Variants in TTLL11 observed in about 807,000 individuals in gnomAD.
TTLL11 encodes the protein tubulin polyglutamylase TTLL11.
A neutral mutation model predicts 51.7 loss-of-function variants in TTLL11; 42 were observed. The observed-to-expected ratio is 0.81, with a 90% CI of 0.64 to 1.05. The LOEUF is 1.05. Ranked by LOEUF, TTLL11 falls within the 50% of genes least tolerant of loss-of-function variation. TTLL11 has a pLI of 0.00. For missense variants in TTLL11, 799 were observed against 940.4 expected, an observed-to-expected ratio of 0.85 and a Z score of 1.97; for synonymous variants, 381 against 383.5, an observed-to-expected ratio of 0.99 and a Z score of 0.08.
At chr9:122,052,324 GA>G (rs1362367507) in intron 1 of TTLL11, among the ~76,000 whole-genome samples, 1 of 152,212 alleles carries the variant, frequency 6.6e-6, no homozygotes, top group East Asian at 1.9e-4. Context: ...GAGCTGGTGA[GA>G]AAAGGTTTCC....
In TTLL11 at chr9:122,031,862, GA is replaced by G; in HGVS notation, c.560-7del. 6.2e-7 allele frequency: 1 copy of G among 1,612,072 alleles called. No individual in the cohort carries two copies. Among genetic ancestry groups the G allele is most frequent in the Non-Finnish European group, 8.5e-7 (1 of 1,178,626 alleles). On this transcript the variant is annotated splice_polypyrimidine_tract_variant and splice_region_variant and intron_variant, in intron 2 of 8. Coordinates refer to ENST00000321582, the MANE Select transcript of TTLL11 (RefSeq NM_001139442.2). ...ACGCACCATCTCCGTCATGCCTGGG[GA>G]GAAGAGACGCTGTGAGGTTTTAACA...
intron 6 of TTLL11, among the ~76,000 whole-genome samples, chr9:121,929,483 G>T (rs1335741688): frequency 6.6e-6 from 1 of 152,102 alleles, no homozygotes; most frequent in East Asian, 1.9e-4. Context: ...AGAGCCAGAG[G>T]CATTTGCAGC....
At chr9:122,061,287 A>T (rs1298338575) in intron 1 of TTLL11, among the ~76,000 whole-genome samples, 1 of 152,238 alleles carries the variant, frequency 6.6e-6, no homozygotes, top group Non-Finnish European at 1.5e-5. Flanking sequence ...AAATAAGGTC[A>T]TATTCACAGA....
chr9:122,077,509 GA>G (rs1845892284), intron 1 of TTLL11, among the ~76,000 whole-genome samples: 1 of 151,664 alleles, frequency 6.6e-6, no homozygotes. Flanking sequence ...AGTGCAGGGA[GA>G]AAATGAACAA....
intron 7 of TTLL11, among the ~76,000 whole-genome samples, chr9:121,865,374 G>T (rs1281251229): frequency 6.6e-6 from 1 of 152,188 alleles, no homozygotes; most frequent in African/African-American, 2.4e-5. Context: ...AGGATCAGAA[G>T]CCACCCAGTG....
chr9:122,033,761 T>G (rs1167856847), intron 2 of TTLL11, among the ~76,000 whole-genome samples: 2 of 152,188 alleles, frequency 1.3e-5, no homozygotes, highest in Non-Finnish European at 2.9e-5. Context: ...GCCCAGGTCT[T>G]AGTTGTTGTT....
intron 7 of TTLL11, among the ~76,000 whole-genome samples, chr9:121,867,072 T>C (rs1226917958): frequency 1.3e-5 from 2 of 152,194 alleles, no homozygotes; most frequent in Non-Finnish European, 2.9e-5. Context: ...ATTTTAGGAA[T>C]CTTCTTGGTT....
intron 3 of TTLL11, among the ~76,000 whole-genome samples, chr9:122,007,365 T>A (rs1338810530): frequency 6.6e-6 from 1 of 150,792 alleles, no homozygotes; most frequent in Non-Finnish European, 1.5e-5. Flanking sequence ...GGCGGACGCC[T>A]GTAGGAGGCT....
intron 3 of TTLL11, among the ~76,000 whole-genome samples, chr9:122,024,390 T>C (rs1005061378): frequency 6.6e-6 from 1 of 152,172 alleles, no homozygotes; most frequent in African/African-American, 2.4e-5. Context: ...TCAGCACAAT[T>C]CCATTCAAAA....
At chr9:122,041,062 T>C (rs1215861360) in intron 1 of TTLL11, among the ~76,000 whole-genome samples, 3 of 152,168 alleles carry the variant, frequency 2.0e-5, no homozygotes, top group Admixed American at 6.6e-5. Flanking sequence ...ATGACTCTTA[T>C]CTCCTTTTTC....
intron 3 of TTLL11, among the ~76,000 whole-genome samples, chr9:121,993,358 G>C (rs924763299): frequency 6.6e-6 from 1 of 152,084 alleles, no homozygotes; most frequent in African/African-American, 2.4e-5. Flanking sequence ...CATAGCTTTT[G>C]GTAAGTTAGA....
chr9:121,964,922 G>C (rs1205617827), intron 6 of TTLL11, among the ~76,000 whole-genome samples: 1 of 152,096 alleles, frequency 6.6e-6, no homozygotes, highest in East Asian at 1.9e-4. Flanking sequence ...GCAGTACTTA[G>C]CACATTCCAC....
chr9:122,066,508 G>C (rs925739067), intron 1 of TTLL11, among the ~76,000 whole-genome samples: 4 of 152,146 alleles, frequency 2.6e-5, no homozygotes, highest in Non-Finnish European at 4.4e-5. Flanking sequence ...TGACTGTGAA[G>C]ACAGGACTGG....
rs1004049946 is a variant in TTLL11, at chr9:121,890,181, T to C, written c.1482-19433A>G. Among the ~76,000 whole-genome samples the C allele has an allele frequency of 2.0e-5, 3 of 152,176 alleles. No individual in the cohort carries two copies. The highest frequency in any genetic ancestry group is 4.8e-5 in the African/African-American group (2 of 41,444). Reference sequence around the variant, plus strand: ...AATTCTGAGCCTCCAGCTTTGTTCCTGACTCAGAGGAGGGATTCCCCATCC... The same window carrying C: ...AATTCTGAGCCTCCAGCTTTGTTCCCGACTCAGAGGAGGGATTCCCCATCC... On this transcript the variant is annotated intron_variant, in intron 6 of 8. Transcript: ENST00000321582. This position sits in a 1 kb window ranked among gnomAD's most constrained non-coding sequence, Gnocchi z 4.3.
rs1329297232 is a variant in TTLL11 at position 121,820,712 on chromosome 9, C to T, written c.*1875G>A. Among the ~76,000 whole-genome samples, 6 of 151,912 alleles carry T rather than the reference C, an allele frequency of 3.9e-5. No homozygotes were observed. In the South Asian group the frequency reaches 1.0e-3, roughly 26 times the overall value. ...TGCCCTACTACCTGGGGAACTGAGC[C>T]GATGACACCTCCACAGTGCCCCATG... On this transcript the variant is annotated 3_prime_UTR_variant, in exon 9 of 9. Coordinates refer to ENST00000321582, the MANE Select transcript of TTLL11 (RefSeq NM_001139442.2).
At chr9:121,926,283 G>A (rs1250072208) in intron 6 of TTLL11, among the ~76,000 whole-genome samples, 1 of 152,152 alleles carries the variant, frequency 6.6e-6, no homozygotes, top group Non-Finnish European at 1.5e-5. Context: ...CAGGGGTCAG[G>A]GCAAAGGATT....
chr9:121,851,723 T>C (rs1837667692), intron 8 of TTLL11, among the ~76,000 whole-genome samples: 1 of 152,114 alleles, frequency 6.6e-6, no homozygotes, highest in Non-Finnish European at 1.5e-5. Flanking sequence ...GAGAAATTCC[T>C]CCCCTCAGTG....
At chr9:121,997,005 A>T (rs1843288819) in intron 3 of TTLL11, among the ~76,000 whole-genome samples, 1 of 152,172 alleles carries the variant, frequency 6.6e-6, no homozygotes, top group African/African-American at 2.4e-5. Context: ...GGAGGTGGAC[A>T]CAGCATCACA....
intron 4 of TTLL11, among the ~76,000 whole-genome samples, chr9:121,982,589 G>T (rs916792371): frequency 6.6e-6 from 1 of 151,932 alleles, no homozygotes; most frequent in African/African-American, 2.4e-5. Flanking sequence ...GGGCGTGGTG[G>T]CGGGTAGCTG....
Sources: gnomAD v4.1 joint callset for allele counts (sites outside exome capture counted in the v4.1 genomes callset) on GRCh38, gnomAD v4.1.1 for gene constraint, Gnocchi (gnomAD v3.1) non-coding constraint, MANE v1.5 for transcripts, NCBI Gene and HGNC (gene_info 2026-07-23, HGNC 2026-07-21) for gene names.